RHOU: variants seen among roughly 807,000 people sequenced by gnomAD.
RHOU encodes the protein rho-related GTP-binding protein RhoU.
A neutral mutation model predicts 12.6 loss-of-function variants in RHOU; 8 were observed. The observed-to-expected ratio is 0.64, with a 90% CI of 0.37 to 1.15. RHOU has a LOEUF of 1.15. Ranked by LOEUF, RHOU falls within the 50% of genes most tolerant of loss-of-function variation. The probability of loss-of-function intolerance (pLI) is 0.01; values close to 1 mark genes in which losing one functional copy is unlikely to be tolerated. For missense variants in RHOU, 258 were observed against 347.0 expected, an observed-to-expected ratio of 0.74 and a Z score of 2.04; for synonymous variants, 161 against 147.4, an observed-to-expected ratio of 1.09 and a Z score of -0.67.
At chr1:228,699,041 A>C in the RHOU span, among the ~76,000 whole-genome samples, 1 of 152,028 alleles carries the variant, frequency 6.6e-6, no homozygotes, top group Admixed American at 6.6e-5. Flanking sequence ...CAGGGTTGTA[A>C]ATCATGAAGA....
the RHOU span, among the ~76,000 whole-genome samples, chr1:228,699,426 T>C: frequency 8.7e-6 from 1 of 114,414 alleles, no homozygotes; most frequent in Non-Finnish European, 1.6e-5. Context: ...CCAGCCTGGG[T>C]GACCGAGAGA....
At chr1:228,732,791 C>G (rs1270194098), upstream of RHOU, among the ~76,000 whole-genome samples, 2 of 151,938 alleles carry the variant, frequency 1.3e-5, no homozygotes, top group African/African-American at 4.8e-5. Context: ...TTTTGTAGGG[C>G]CTGAGGCTTA....
At chr1:228,732,248 TAA>T (rs1229453987), upstream of RHOU, among the ~76,000 whole-genome samples, 6 of 152,336 alleles carry the variant, frequency 3.9e-5, no homozygotes, top group Admixed American at 3.9e-4. Flanking sequence ...TGAGCAACAT[TAA>T]GTTTCTGATT....
At chr1:228,730,053 G>C in the RHOU span, among the ~76,000 whole-genome samples, 2 of 152,152 alleles carry the variant, frequency 1.3e-5, no homozygotes, top group South Asian at 4.1e-4. Flanking sequence ...AACATGGCAA[G>C]ACATTTTCCT....
chr1:228,655,733 C>T, the RHOU span, among the ~76,000 whole-genome samples: 3 of 152,296 alleles, frequency 2.0e-5, no homozygotes, highest in East Asian at 3.8e-4. Context: ...AACTACAGTA[C>T]GATTGGTTAG....
chr1:228,731,576 G>C (rs1432499654), upstream of RHOU, among the ~76,000 whole-genome samples: 1 of 152,132 alleles, frequency 6.6e-6, no homozygotes, highest in African/African-American at 2.4e-5. Context: ...ACTTCATTAA[G>C]AAAAAGAACA....
the RHOU span, among the ~76,000 whole-genome samples, chr1:228,676,164 C>T: frequency 6.7e-6 from 1 of 148,176 alleles, no homozygotes; most frequent in Non-Finnish European, 1.5e-5. Flanking sequence ...GTGACAGAGT[C>T]TCCCTGTGTT....
chr1:228,669,423 T>G, the RHOU span, among the ~76,000 whole-genome samples: 1 of 152,188 alleles, frequency 6.6e-6, no homozygotes, highest in Admixed American at 6.5e-5. Context: ...GCCTCTGTGC[T>G]TTTTTGGATG....
the RHOU span, among the ~76,000 whole-genome samples, chr1:228,681,539 G>A: frequency 1.3e-5 from 2 of 152,006 alleles, no homozygotes; most frequent in African/African-American, 4.8e-5. Flanking sequence ...GACTAAGGAG[G>A]GAACAAAGTG....
chr1:228,672,802 T>A, the RHOU span, among the ~76,000 whole-genome samples: 1 of 152,190 alleles, frequency 6.6e-6, no homozygotes, highest in Admixed American at 6.5e-5. Flanking sequence ...AGTGGTTTTG[T>A]CTTACTGTGT....
the RHOU span, among the ~76,000 whole-genome samples, chr1:228,724,481 T>C: frequency 6.6e-6 from 1 of 152,188 alleles, no homozygotes; most frequent in Non-Finnish European, 1.5e-5. Context: ...TCTTTCTTTT[T>C]GGTAAGAATT....
chr1:228,740,094 C>T (rs1662690904), intron 2 of RHOU, among the ~76,000 whole-genome samples: 1 of 152,168 alleles, frequency 6.6e-6, no homozygotes, highest in Non-Finnish European at 1.5e-5. Flanking sequence ...GGAATTTTAC[C>T]AGAAGAACTT....
At chr1:228,719,737 A>C in the RHOU span, among the ~76,000 whole-genome samples, 10 of 152,130 alleles carry the variant, frequency 6.6e-5, no homozygotes, top group Admixed American at 5.9e-4. Flanking sequence ...CTTAAAACAA[A>C]ACAAAAAACA....
At chr1:228,727,155 T>C in the RHOU span, among the ~76,000 whole-genome samples, 1 of 152,248 alleles carries the variant, frequency 6.6e-6, no homozygotes, top group Non-Finnish European at 1.5e-5. Context: ...CATTAAATAA[T>C]GTAGCTAATG....
chr1:228,684,119 C>T, the RHOU span, among the ~76,000 whole-genome samples: 3 of 152,170 alleles, frequency 2.0e-5, no homozygotes, highest in Non-Finnish European at 2.9e-5. Context: ...CTCACTGCAA[C>T]CTCCAGCTCC....
chr1:228,666,969 T>C, the RHOU span, among the ~76,000 whole-genome samples: 1 of 152,214 alleles, frequency 6.6e-6, no homozygotes, highest in South Asian at 2.1e-4. Flanking sequence ...TTGTGCCTCA[T>C]CTAGCAAGGC....
the RHOU span, among the ~76,000 whole-genome samples, chr1:228,652,967 A>G: frequency 6.6e-6 from 1 of 152,216 alleles, no homozygotes; most frequent in Non-Finnish European, 1.5e-5. Flanking sequence ...CTTCATGAGT[A>G]TACTTATTTT....
chr1:228,647,714 A>T, the RHOU span, among the ~76,000 whole-genome samples: 1 of 152,100 alleles, frequency 6.6e-6, no homozygotes, highest in Non-Finnish European at 1.5e-5. Context: ...TTTCTGCTGG[A>T]TCCGGTTTCA....
chr1:228,666,050 C>G, the RHOU span, among the ~76,000 whole-genome samples: 1 of 150,548 alleles, frequency 6.6e-6, no homozygotes, highest in African/African-American at 2.4e-5. Flanking sequence ...CTCTGCCTCC[C>G]GGGTTCAAGT....
Sources: gnomAD v4.1 joint callset for allele counts (sites outside exome capture counted in the v4.1 genomes callset) on GRCh38, gnomAD v4.1.1 for gene constraint, MANE v1.5 for transcripts, NCBI Gene and HGNC (gene_info 2026-07-23, HGNC 2026-07-21) for gene names.